The following ZNF385D variants were observed in gnomAD, a reference collection of about 807,000 sequenced individuals.
ZNF385D encodes the protein zinc finger protein 385D, also known as zinc finger protein 659.
A neutral mutation model predicts 35.8 loss-of-function variants in ZNF385D; 15 were observed. That is an observed-to-expected ratio of 0.42 (90% CI 0.28 to 0.64). ZNF385D has a LOEUF of 0.64. Among genes scored for constraint, ZNF385D ranks in the 30% least tolerant of loss-of-function variants. The pLI, the probability that ZNF385D is intolerant of heterozygous loss-of-function variation, is 0.23. For missense variants in ZNF385D, 474 were observed against 494.6 expected, an observed-to-expected ratio of 0.96 and a Z score of 0.39; for synonymous variants, 212 against 186.8, an observed-to-expected ratio of 1.13 and a Z score of -1.10.
At position 22,059,707 on chromosome 3, in the gene ZNF385D, T is replaced by C. The variant is rs923124794; in HGVS notation, c.325+109110A>G. Among the ~76,000 whole-genome samples the C allele has an allele frequency of 3.3e-5, 5 of 152,204 alleles. No homozygotes were observed. In the South Asian group the frequency reaches 8.3e-4, roughly 25 times the overall value. ...CCATATAAGTTTCAAAGAGCAGAGA[T>C]TTTTCGATTTTGTTTGCTGCTGTAT... On this transcript the variant is annotated intron_variant, in intron 3 of 5. Transcript: ENST00000494108.
intron 2 of ZNF385D, among the ~76,000 whole-genome samples, chr3:22,196,547 T>C (rs2125235034): frequency 6.6e-6 from 1 of 152,198 alleles, no homozygotes; most frequent in Admixed American, 6.6e-5. Context: ...ATCTTGTTGA[T>C]AATATTGTGG....
chr3:21,568,786 G>A (rs2063233812), intron 2 of ZNF385D, among the ~76,000 whole-genome samples: 1 of 151,994 alleles, frequency 6.6e-6, no homozygotes, highest in Admixed American at 6.6e-5. Flanking sequence ...ACTGATCTGA[G>A]AAAATTATTT....
At chr3:21,953,701 A>G (rs748958023) in intron 3 of ZNF385D, among the ~76,000 whole-genome samples, 4 of 152,090 alleles carry the variant, frequency 2.6e-5, no homozygotes, top group Admixed American at 6.6e-5. Flanking sequence ...AGCAAATACT[A>G]TAACCAGCCA....
At chr3:21,483,748 G>GTCTATTT in intron 4 of ZNF385D, among the ~76,000 whole-genome samples, 1 of 152,138 alleles carries the variant, frequency 6.6e-6, no homozygotes, top group African/African-American at 2.4e-5. Context: ...CATGGCTTTC[G>GTCTATTT]TCTATTTTCT....
intron 1 of ZNF385D, among the ~76,000 whole-genome samples, chr3:21,671,402 G>C (rs1474554007): frequency 6.6e-6 from 1 of 152,162 alleles, no homozygotes; most frequent in African/African-American, 2.4e-5. Flanking sequence ...TGGCCAGCCA[G>C]GGTGGGAGTA....
intron 2 of ZNF385D, among the ~76,000 whole-genome samples, chr3:22,202,134 T>A (rs774142196): frequency 2.2e-4 from 33 of 152,104 alleles, no homozygotes; most frequent in Non-Finnish European, 4.3e-4. Context: ...TTTTATTTTT[T>A]AAAATCTATG....
chr3:21,982,817 C>T (rs1386821052), intron 3 of ZNF385D, among the ~76,000 whole-genome samples: 1 of 100,864 alleles, frequency 9.9e-6, no homozygotes, highest in African/African-American at 5.4e-5. Context: ...TTATTGAAAG[C>T]CTTTTTTTTT....
chr3:22,039,399 A>G (rs1311812836), intron 3 of ZNF385D, among the ~76,000 whole-genome samples: 2 of 152,144 alleles, frequency 1.3e-5, no homozygotes, highest in African/African-American at 4.8e-5. Context: ...TGGCTTCTCA[A>G]CTAGTACATG....
At chr3:22,191,345 C>T (rs892300494) in intron 2 of ZNF385D, among the ~76,000 whole-genome samples, 3 of 151,812 alleles carry the variant, frequency 2.0e-5, no homozygotes, top group Non-Finnish European at 2.9e-5. Context: ...AAATTAGCCG[C>T]GCATGGTGGT....
At chr3:21,859,345 G>A (rs150886890) in intron 3 of ZNF385D, among the ~76,000 whole-genome samples, 1 of 152,042 alleles carries the variant, frequency 6.6e-6, no homozygotes, top group Non-Finnish European at 1.5e-5. Flanking sequence ...GGAGAGTCTG[G>A]GGTTATGCAT....
intron 3 of ZNF385D, among the ~76,000 whole-genome samples, chr3:22,113,353 A>G (rs750557805): frequency 6.6e-6 from 1 of 152,102 alleles, no homozygotes. Context: ...ACCTAAAAAT[A>G]TCACTTTCAA....
At chr3:21,820,641 C>T (rs1423782146) in intron 3 of ZNF385D, among the ~76,000 whole-genome samples, 1 of 150,580 alleles carries the variant, frequency 6.6e-6, no homozygotes, top group African/African-American at 2.4e-5. Flanking sequence ...GAAAACAAAG[C>T]TTGGTTTCTT....
intron 3 of ZNF385D, among the ~76,000 whole-genome samples, chr3:22,165,921 T>C (rs528556776): frequency 4.6e-5 from 7 of 152,190 alleles, no homozygotes; most frequent in South Asian, 2.1e-4. Flanking sequence ...CTTACATTCA[T>C]ACACCAGATC....
chr3:21,552,961 A>G (rs2062615735), intron 3 of ZNF385D, among the ~76,000 whole-genome samples: 1 of 152,210 alleles, frequency 6.6e-6, no homozygotes, highest in Non-Finnish European at 1.5e-5. Flanking sequence ...AGGGAGGCAG[A>G]AGAGTGAGGC....
intron 4 of ZNF385D, among the ~76,000 whole-genome samples, chr3:21,455,950 G>A (rs1702780094): frequency 6.6e-6 from 1 of 152,138 alleles, no homozygotes; most frequent in Non-Finnish European, 1.5e-5. Flanking sequence ...CTTCTCAAAA[G>A]AAGACATTTA....
chr3:22,125,352 C>T (rs1400924055), intron 3 of ZNF385D, among the ~76,000 whole-genome samples: 1 of 151,940 alleles, frequency 6.6e-6, no homozygotes, highest in Non-Finnish European at 1.5e-5. Flanking sequence ...GTATGTGATT[C>T]CTTCAGTTTT....
intron 2 of ZNF385D, among the ~76,000 whole-genome samples, chr3:21,588,721 G>A (rs2063885734): frequency 6.6e-6 from 1 of 152,080 alleles, no homozygotes; most frequent in Admixed American, 6.5e-5. Flanking sequence ...CATAGGAGAG[G>A]AAGTTATCAA....
chr3:21,433,195 T>C (rs1255526161), intron 5 of ZNF385D, among the ~76,000 whole-genome samples: 2 of 152,158 alleles, frequency 1.3e-5, no homozygotes, highest in Non-Finnish European at 2.9e-5. Flanking sequence ...CTGATAGCAT[T>C]TAATGGAAGT....
chr3:21,699,823 CTTTTTTTT>C (rs1006362754), intron 1 of ZNF385D, among the ~76,000 whole-genome samples: 3 of 88,908 alleles, frequency 3.4e-5, no homozygotes, highest in East Asian at 3.3e-4. Flanking sequence ...GTTTCTTTTC[CTTTTTTTT>C]TTTTTTTTTT....
Sources: gnomAD v4.1 joint callset for allele counts (sites outside exome capture counted in the v4.1 genomes callset) on GRCh38, gnomAD v4.1.1 for gene constraint, MANE v1.5 for transcripts, NCBI Gene and HGNC (gene_info 2026-07-23, HGNC 2026-07-21) for gene names.